TENM3: variants seen among roughly 807,000 people sequenced by gnomAD.
TENM3 encodes teneurin-3.
In TENM3, 63 loss-of-function variants were observed where a neutral mutation model predicts 255.1. That is an observed-to-expected ratio of 0.25 (90% CI 0.20 to 0.30). The LOEUF (loss-of-function observed/expected upper bound fraction) is 0.30, where lower values mean the gene tolerates loss of function less well. Among genes scored for constraint, TENM3 ranks in the 10% least tolerant of loss-of-function variants. TENM3 has a pLI of 1.00. For synonymous variants in TENM3, 1,306 were observed against 1,322.3 expected, an observed-to-expected ratio of 0.99 and a Z score of 0.27; for missense variants, 2,929 against 3,461.1, an observed-to-expected ratio of 0.85 and a Z score of 3.86.
At chr4:182,281,094 G>A (rs763924462) in intron 1 of TENM3, among the ~76,000 whole-genome samples, 36 of 152,078 alleles carry the variant, frequency 2.4e-4, no homozygotes, top group Non-Finnish European at 4.9e-4. Flanking sequence ...TTGAGTAAGA[G>A]GTTGACTCCA....
chr4:182,113,533 A>G, the TENM3 span, among the ~76,000 whole-genome samples: 263 of 152,326 alleles, frequency 1.7e-3, 1 homozygote, highest in African/African-American at 5.8e-3. Context: ...ATACCAATGC[A>G]TATATGAAAT....
chr4:181,974,554 C>A, the TENM3 span, among the ~76,000 whole-genome samples: 89 of 151,162 alleles, frequency 5.9e-4, 1 homozygote, highest in African/African-American at 2.1e-3. Flanking sequence ...GGCAACAGAG[C>A]GAGACTCCAT....
chr4:182,466,356 C>G (rs1218132612), intron 3 of TENM3, among the ~76,000 whole-genome samples: 1 of 152,174 alleles, frequency 6.6e-6, no homozygotes, highest in Admixed American at 6.5e-5. Flanking sequence ...CCCAGACATT[C>G]TTTGGCTTGT....
intron 3 of TENM3, among the ~76,000 whole-genome samples, chr4:182,457,558 CT>C (rs768197836): frequency 0.014 from 1,609 of 115,202 alleles, 39 homozygotes; most frequent in African/African-American, 0.046. Flanking sequence ...TCATGTATAT[CT>C]TTTTTTTTTT....
chr4:182,094,208 G>A, the TENM3 span, among the ~76,000 whole-genome samples: 1 of 152,126 alleles, frequency 6.6e-6, no homozygotes, highest in Non-Finnish European at 1.5e-5. Flanking sequence ...AGGGAGCTCT[G>A]GGAAGTTAGA....
intron 5 of TENM3, among the ~76,000 whole-genome samples, chr4:182,639,773 G>A (rs1289753078): frequency 6.6e-6 from 1 of 152,146 alleles, no homozygotes; most frequent in Non-Finnish European, 1.5e-5. Context: ...TCTGACACTT[G>A]CCTTTAACAT....
chr4:181,882,197 G>A, the TENM3 span, among the ~76,000 whole-genome samples: 1 of 152,194 alleles, frequency 6.6e-6, no homozygotes, highest in African/African-American at 2.4e-5. Context: ...ACCCTTTGTA[G>A]AGGGCATCTG....
At chr4:182,540,627 A>T (rs11726357) in intron 3 of TENM3, among the ~76,000 whole-genome samples, 128,953 of 151,960 alleles carry the variant, frequency 0.85, 54,797 homozygotes, top group East Asian at 0.96. Context: ...TATCCAGTGA[A>T]CCCGTGTGTC....
the TENM3 span, among the ~76,000 whole-genome samples, chr4:181,731,894 T>TCTGGTGC: frequency 2.0e-5 from 3 of 152,140 alleles, no homozygotes; most frequent in Admixed American, 2.0e-4. Context: ...GTCCTAAAAG[T>TCTGGTGC]CCTACCTCCC....
chr4:181,956,038 G>C, the TENM3 span, among the ~76,000 whole-genome samples: 1 of 152,148 alleles, frequency 6.6e-6, no homozygotes, highest in African/African-American at 2.4e-5. Context: ...AATTCTGGAG[G>C]CTGGGAAGTC....
At chr4:182,280,902 C>T (rs1383147663) in intron 1 of TENM3, among the ~76,000 whole-genome samples, 1 of 152,198 alleles carries the variant, frequency 6.6e-6, no homozygotes, top group African/African-American at 2.4e-5. Context: ...AGCAAATCCC[C>T]TAAGGAGCCT....
rs1349444379 is a variant in TENM3, at chr4:182,543,198, G to GATGGATGC, written c.512-57724_512-57717dup. Among the ~76,000 whole-genome samples, 53 of 148,216 alleles carry GATGGATGC rather than the reference G, an allele frequency of 3.6e-4. 4 individuals are homozygous for GATGGATGC. Among genetic ancestry groups the GATGGATGC allele is most frequent in the African/African-American group, 6.8e-4 (28 of 40,894 alleles). Reference sequence around the variant, plus strand: ...GGATGCAAGGATGGAGGGATGCATGGATGGATGCAAGGATGGAGGGATGCA... The same window carrying GATGGATGC: ...GGATGCAAGGATGGAGGGATGCATGGATGGATGCATGGATGCAAGGATGGAGGGATGCA... On this transcript the variant is annotated intron_variant, in intron 3 of 27. Coordinates refer to ENST00000511685, the MANE Select transcript of TENM3 (RefSeq NM_001080477.4).
chr4:182,652,468 G>GT (rs781071824), intron 5 of TENM3, among the ~76,000 whole-genome samples: 5 of 152,196 alleles, frequency 3.3e-5, no homozygotes, highest in Admixed American at 6.5e-5. Context: ...GCCCTGTCTA[G>GT]AATCTTCTGG....
intron 3 of TENM3, among the ~76,000 whole-genome samples, chr4:182,416,817 G>C (rs564176694): frequency 2.6e-5 from 4 of 152,258 alleles, no homozygotes; most frequent in African/African-American, 9.6e-5. Flanking sequence ...CACCAAACCT[G>C]CAACAGAGTG....
At chr4:182,419,026 G>T (rs1770596765) in intron 3 of TENM3, among the ~76,000 whole-genome samples, 1 of 152,116 alleles carries the variant, frequency 6.6e-6, no homozygotes, top group Non-Finnish European at 1.5e-5. Context: ...TGGAAAATTA[G>T]TTTTCAATGC....
the TENM3 span, among the ~76,000 whole-genome samples, chr4:181,468,183 T>C: frequency 7.3e-5 from 11 of 150,264 alleles, no homozygotes; most frequent in East Asian, 1.8e-3. Flanking sequence ...TTCCAGCTAC[T>C]CAGGAGGCTT....
At chr4:181,682,703 A>G in the TENM3 span, among the ~76,000 whole-genome samples, 1 of 152,202 alleles carries the variant, frequency 6.6e-6, no homozygotes, top group African/African-American at 2.4e-5. Context: ...AAAAATAAGT[A>G]GAATGAATTA....
chr4:182,329,293 G>T (rs570404558), intron 2 of TENM3, among the ~76,000 whole-genome samples: 1 of 152,326 alleles, frequency 6.6e-6, no homozygotes, highest in Non-Finnish European at 1.5e-5. Flanking sequence ...CTGTGGCCTG[G>T]TGGTTCCAGA....
At chr4:181,815,464 A>AAAAAAAG in the TENM3 span, among the ~76,000 whole-genome samples, 1 of 142,754 alleles carries the variant, frequency 7.0e-6, no homozygotes, top group East Asian at 2.0e-4. Context: ...CTCCCTATCA[A>AAAAAAAG]AAAAAAAAAA....
Sources: gnomAD v4.1 joint callset for allele counts (sites outside exome capture counted in the v4.1 genomes callset) on GRCh38, gnomAD v4.1.1 for gene constraint, MANE v1.5 for transcripts, NCBI Gene and HGNC (gene_info 2026-07-23, HGNC 2026-07-21) for gene names.